The following COX10 variants were observed in gnomAD, a reference collection of about 807,000 sequenced individuals.
The protein encoded by COX10 is cytochrome c oxidase assembly factor heme A:farnesyltransferase COX10.
A neutral mutation model predicts 37.3 loss-of-function variants in COX10; 27 were observed. That is an observed-to-expected ratio of 0.72 (90% CI 0.53 to 1.00). The LOEUF is 1.00. Ranked by LOEUF, COX10 falls within the 50% of genes least tolerant of loss-of-function variation. The pLI, the probability that COX10 is intolerant of heterozygous loss-of-function variation, is 0.00. For missense variants in COX10, 475 were observed against 563.2 expected (o/e 0.84, Z 1.59); for synonymous variants, 222 against 229.1 (o/e 0.97, Z 0.28).
intron 4 of COX10, among the ~76,000 whole-genome samples, chr17:14,108,081 T>A (rs1029953407): frequency 1.3e-5 from 2 of 152,220 alleles, no homozygotes; most frequent in Non-Finnish European, 2.9e-5. Context: ...TAGAGAACTC[T>A]TAACTTCTGG....
intron 4 of COX10, among the ~76,000 whole-genome samples, chr17:14,157,052 T>C (rs1006322572): frequency 6.6e-6 from 1 of 152,226 alleles, no homozygotes; most frequent in Non-Finnish European, 1.5e-5. Flanking sequence ...CCAATAAAAC[T>C]TTGTTTATGG....
At chr17:14,120,535 G>A (rs1433156930) in intron 4 of COX10, among the ~76,000 whole-genome samples, 2 of 152,130 alleles carry the variant, frequency 1.3e-5, no homozygotes, top group African/African-American at 4.8e-5. Flanking sequence ...CTGAAGACTG[G>A]AAGAGTCCAT....
At chr17:14,122,031 G>T (rs369786935) in intron 4 of COX10, among the ~76,000 whole-genome samples, 4 of 152,076 alleles carry the variant, frequency 2.6e-5, no homozygotes, top group Non-Finnish European at 4.4e-5. Flanking sequence ...TAATTGCCCA[G>T]CTCTAAAGAG....
chr17:14,161,766 C>T (rs1905174727), intron 5 of COX10, among the ~76,000 whole-genome samples: 1 of 152,196 alleles, frequency 6.6e-6, no homozygotes, highest in Admixed American at 6.5e-5. Context: ...ACACCAGGAG[C>T]CCCCTGGGTC....
chr17:14,152,173 A>G (rs1436822281), intron 4 of COX10, among the ~76,000 whole-genome samples: 1 of 152,218 alleles, frequency 6.6e-6, no homozygotes. Context: ...AGGGCTGTAT[A>G]TTAGTCCGTT....
chr17:14,130,890 T>C (rs895006935), intron 4 of COX10, among the ~76,000 whole-genome samples: 1 of 152,096 alleles, frequency 6.6e-6, no homozygotes, highest in African/African-American at 2.4e-5. Context: ...CCAGGACCTG[T>C]GATTCTTCAA....
At chr17:14,131,943 G>T (rs1483024473) in intron 4 of COX10, among the ~76,000 whole-genome samples, 1 of 152,028 alleles carries the variant, frequency 6.6e-6, no homozygotes, top group Admixed American at 6.6e-5. Context: ...TGATGCAAAA[G>T]TAGGTTGTTT....
At chr17:14,180,864 T>C (rs866765912) in intron 5 of COX10, among the ~76,000 whole-genome samples, 21 of 152,250 alleles carry the variant, frequency 1.4e-4, no homozygotes, top group African/African-American at 4.6e-4. Context: ...GTGGAAGTCA[T>C]ACCATAGCGT....
At chr17:14,131,120 T>A (rs1916454820) in intron 4 of COX10, among the ~76,000 whole-genome samples, 1 of 152,200 alleles carries the variant, frequency 6.6e-6, no homozygotes, top group Admixed American at 6.6e-5. Context: ...TTTAAATGAA[T>A]GACCAGCTCA....
intron 3 of COX10, among the ~76,000 whole-genome samples, chr17:14,086,521 C>G (rs1915412923): frequency 6.6e-6 from 1 of 152,092 alleles, no homozygotes; most frequent in African/African-American, 2.4e-5. Context: ...GTTACATCAT[C>G]TTCATTTATA....
chr17:14,091,913 A>G (rs549507970), intron 3 of COX10, among the ~76,000 whole-genome samples: 1 of 152,102 alleles, frequency 6.6e-6, no homozygotes, highest in Non-Finnish European at 1.5e-5. Flanking sequence ...TGCCAAACTC[A>G]GTTTTGAAAC....
chr17:14,135,890 CA>C (rs1305967106), intron 4 of COX10, among the ~76,000 whole-genome samples: 17 of 151,926 alleles, frequency 1.1e-4, no homozygotes, highest in African/African-American at 4.1e-4. Flanking sequence ...TGAGAGCCAC[CA>C]AAAAGTGCTC....
In COX10 at chr17:14,074,408, C is replaced by G. The variant is rs375695653; in HGVS notation, c.129C>G (p.Val43=). The G allele has an allele frequency of 3.1e-6, 5 of 1,613,734 alleles. No homozygotes were observed. Among genetic ancestry groups the G allele is most frequent in the Admixed American group, 1.7e-5 (1 of 59,994 alleles). The change falls in exon 2 of 7, where the codon GTC becomes GTG. Residue 43 remains valine (V), a synonymous_variant. Coordinates refer to ENST00000261643, the MANE Select transcript of COX10 (RefSeq NM_001303.4). ...PHKFLHLLRN[V]NKQWITFQHF... ...AGTTCTTACATCTTCTCAGGAATGTCAATAAGCAGTGGATTACATTTCAGC... is the reference window on the plus strand; with the variant it reads ...AGTTCTTACATCTTCTCAGGAATGTGAATAAGCAGTGGATTACATTTCAGC...
intron 3 of COX10, among the ~76,000 whole-genome samples, chr17:14,095,238 C>A (rs1410298182): frequency 6.6e-6 from 1 of 152,154 alleles, no homozygotes. Flanking sequence ...GACTAGTTGA[C>A]CCTAAATCCT....
intron 4 of COX10, among the ~76,000 whole-genome samples, chr17:14,124,739 C>G (rs961854325): frequency 1.3e-5 from 2 of 152,094 alleles, no homozygotes; most frequent in African/African-American, 4.8e-5. Flanking sequence ...GTGCTTTCCT[C>G]TTTCATTTCT....
intron 5 of COX10, among the ~76,000 whole-genome samples, chr17:14,188,562 G>A (rs528114451): frequency 7.3e-5 from 11 of 151,628 alleles, no homozygotes; most frequent in Admixed American, 6.6e-4. Flanking sequence ...TAGTCTATCT[G>A]TAAAGAACTC....
chr17:14,120,666 A>G (rs1468520007), intron 4 of COX10, among the ~76,000 whole-genome samples: 1 of 152,176 alleles, frequency 6.6e-6, no homozygotes, highest in Admixed American at 6.5e-5. Context: ...TGCAAATGGG[A>G]TAAAAATGAA....
intron 5 of COX10, among the ~76,000 whole-genome samples, chr17:14,172,374 G>A (rs1905499953): frequency 6.6e-6 from 1 of 151,826 alleles, no homozygotes; most frequent in Admixed American, 6.6e-5. Flanking sequence ...TACATGCCCC[G>A]TCAACAGTGT....
chr17:14,198,178 G>A (rs1906424159), intron 6 of COX10, among the ~76,000 whole-genome samples: 1 of 152,144 alleles, frequency 6.6e-6, no homozygotes, highest in Admixed American at 6.5e-5. Context: ...ACCTGCTGGA[G>A]CCGCGGTGAA....
Sources: gnomAD v4.1 joint callset for allele counts (sites outside exome capture counted in the v4.1 genomes callset) on GRCh38, gnomAD v4.1.1 for gene constraint, MANE v1.5 for transcripts, NCBI Gene and HGNC (gene_info 2026-07-23, HGNC 2026-07-21) for gene names.